UGT3A1: variants seen among roughly 807,000 people sequenced by gnomAD.
The protein encoded by UGT3A1 is UDP glycosyltransferase family 3 member A1.
UGT3A1 carries 40 observed loss-of-function variants against 37.6 expected under a neutral mutation model. The ratio of observed to expected loss-of-function variants is 1.06; its 90% CI spans 0.83 to 1.38. The LOEUF is 1.38. Among genes scored for constraint, UGT3A1 ranks in the 40% most tolerant of loss-of-function variants. The pLI is 0.00. For missense variants in UGT3A1, 642 were observed against 634.2 expected (o/e 1.01, Z -0.13); for synonymous variants, 256 against 232.3 (o/e 1.10, Z -0.93).
chr5:35,976,602 G>A (rs1740280253), intron 2 of UGT3A1, among the ~76,000 whole-genome samples: 1 of 152,150 alleles, frequency 6.6e-6, no homozygotes, highest in Non-Finnish European at 1.5e-5. Flanking sequence ...CACTTTGAAA[G>A]GCCAAGGTGG....
chr5:35,984,131 A>G (rs1053827039), intron 2 of UGT3A1, among the ~76,000 whole-genome samples: 2 of 152,224 alleles, frequency 1.3e-5, no homozygotes, highest in Non-Finnish European at 2.9e-5. Context: ...CACAGAAGAC[A>G]TGATTTTATA....
In UGT3A1 at chr5:35,956,953, G is replaced by C. The variant is rs376609967; in HGVS notation, c.1075+235C>G. ...TATCACCTCTGGTTGGAAACTTCAGGCCTCGCTTGGGTTAGAAAGAAAAAG... is the reference window on the plus strand; with the variant it reads ...TATCACCTCTGGTTGGAAACTTCAGCCCTCGCTTGGGTTAGAAAGAAAAAG... On this transcript the variant is annotated intron_variant, in intron 5 of 6. Transcript: ENST00000274278. Among the ~76,000 whole-genome samples the C allele has an allele frequency of 6.4e-4, 97 of 152,258 alleles. 1 individual carries two copies. In the South Asian group the frequency reaches 0.02, roughly 31 times the overall value.
intron 2 of UGT3A1, among the ~76,000 whole-genome samples, chr5:35,971,736 G>C (rs375269086): frequency 1.3e-5 from 2 of 152,112 alleles, no homozygotes; most frequent in African/African-American, 2.4e-5. Flanking sequence ...CTCTCAGCCA[G>C]AGAGGTATTT....
chr5:35,988,023 C>T (rs1740792231), intron 2 of UGT3A1, among the ~76,000 whole-genome samples: 1 of 151,964 alleles, frequency 6.6e-6, no homozygotes, highest in East Asian at 1.9e-4. Flanking sequence ...TAAGAGGCTC[C>T]CTGGGAAATC....
chr5:35,977,444 A>T (rs1272653900), intron 2 of UGT3A1, among the ~76,000 whole-genome samples: 1 of 152,166 alleles, frequency 6.6e-6, no homozygotes, highest in Non-Finnish European at 1.5e-5. Context: ...GAGGTGTTTG[A>T]GTCTTGGGAT....
At chr5:35,996,717 C>A (rs1741104721) in intron 2 of UGT3A1, among the ~76,000 whole-genome samples, 1 of 152,096 alleles carries the variant, frequency 6.6e-6, no homozygotes, top group African/African-American at 2.4e-5. Flanking sequence ...TGACAATGTA[C>A]CACAATTTAG....
intron 2 of UGT3A1, among the ~76,000 whole-genome samples, chr5:35,976,960 AAGAG>A (rs1740301368): frequency 6.6e-6 from 1 of 151,514 alleles, no homozygotes. Flanking sequence ...GAAAGAAAGA[AAGAG>A]AGAAAGGGAG....
chr5:35,955,194 C>T (rs1393427233), intron 6 of UGT3A1: 1 of 209,622 alleles, frequency 4.8e-6, no homozygotes. Flanking sequence ...AGACACAACC[C>T]TGTCTATGGA....
At chr5:35,975,228 A>G (rs1202449608) in intron 2 of UGT3A1, among the ~76,000 whole-genome samples, 1 of 152,174 alleles carries the variant, frequency 6.6e-6, no homozygotes, top group East Asian at 1.9e-4. Context: ...TGGGCATATC[A>G]AACTGGACTT....
At chr5:35,963,088 C>CA in intron 4 of UGT3A1, 1 of 622,810 alleles carries the variant, frequency 1.6e-6, no homozygotes, top group South Asian at 1.8e-5. Flanking sequence ...TTATGGATGC[C>CA]ACCCACAGGT....
At chr5:35,999,186 G>A (rs183219812) in intron 1 of UGT3A1, among the ~76,000 whole-genome samples, 1,726 of 144,280 alleles carry the variant, frequency 0.012, 35 homozygotes, top group African/African-American at 0.042. Context: ...GCAGTGAGCC[G>A]AGATCACACC....
chr5:35,972,797 G>A (rs1740100831), intron 2 of UGT3A1, among the ~76,000 whole-genome samples: 1 of 151,180 alleles, frequency 6.6e-6, no homozygotes, highest in South Asian at 2.1e-4. Context: ...ATTTGATAGA[G>A]AAAGCATGGA....
At chr5:35,999,525 T>C (rs1741173622) in intron 1 of UGT3A1, among the ~76,000 whole-genome samples, 2 of 152,146 alleles carry the variant, frequency 1.3e-5, no homozygotes, top group South Asian at 4.1e-4. Context: ...AATACTTGAC[T>C]CCCGAAACTA....
chr5:35,968,189 A>G (rs1739893333), intron 2 of UGT3A1, 56 bp from the exon 3 acceptor site: 1 of 1,006,342 alleles, frequency 9.9e-7, no homozygotes, highest in Non-Finnish European at 1.5e-6. Flanking sequence ...ATGGATTAAC[A>G]TTAGCATGAT....
intron 2 of UGT3A1, among the ~76,000 whole-genome samples, chr5:35,970,778 A>G (rs1207057210): frequency 6.6e-6 from 1 of 152,318 alleles, no homozygotes; most frequent in East Asian, 1.9e-4. Context: ...CCATTATGAA[A>G]GATCTATTTA....
intron 2 of UGT3A1, among the ~76,000 whole-genome samples, chr5:35,971,564 A>T (rs1055118653): frequency 6.6e-6 from 1 of 152,008 alleles, no homozygotes; most frequent in African/African-American, 2.4e-5. Flanking sequence ...AATCTACCAA[A>T]ATTCACTGAA....
Position 35,955,761 on chromosome 5 carries a change from G to A in UGT3A1, c.1179C>T (p.Asp393=). ...CTACTCGGACCATGTTTCCATGCTG[G>A]TCTCCATTGACTGGTAATCCCACCA... ...VPMVGLPVNG[D]QHGNMVRVVA... is the part of the protein sequence containing the mutation. Residue 393 remains aspartate, a synonymous_variant, in exon 6 of 7, where the codon GAC becomes GAT. Transcript: ENST00000274278. The A allele has an allele frequency of 6.2e-7, 1 of 1,614,154 alleles. No individual in the cohort carries two copies. Among genetic ancestry groups the A allele is most frequent in the Non-Finnish European group, 8.5e-7 (1 of 1,180,018 alleles).
intron 1 of UGT3A1, among the ~76,000 whole-genome samples, chr5:35,997,673 C>T (rs1186376718): frequency 1.3e-5 from 2 of 152,202 alleles, no homozygotes; most frequent in African/African-American, 4.8e-5. Context: ...GATCCACCCA[C>T]CTCGGCCTCC....
chr5:35,972,887 G>GA (rs5867299), intron 2 of UGT3A1, among the ~76,000 whole-genome samples: 92,368 of 146,954 alleles, frequency 0.63, 32,329 homozygotes, highest in South Asian at 0.81. Flanking sequence ...TGTCTGCCCT[G>GA]AAAAAAAAAA....
Sources: allele counts gnomAD v4.1 joint callset (sites outside exome capture counted in the v4.1 genomes callset), GRCh38; gene constraint gnomAD v4.1.1; transcripts MANE v1.5; gene names NCBI Gene and HGNC (gene_info 2026-07-23, HGNC 2026-07-21).